The following SPATS2 variants were observed in gnomAD, a reference collection of about 807,000 sequenced individuals.
The protein encoded by SPATS2 is spermatogenesis associated serine rich 2.
A neutral mutation model predicts 63.7 loss-of-function variants in SPATS2; 38 were observed. That is an observed-to-expected ratio of 0.60 (90% CI 0.46 to 0.78). The LOEUF (loss-of-function observed/expected upper bound fraction) is 0.78. Among genes scored for constraint, SPATS2 ranks in the 30% least tolerant of loss-of-function variants. The pLI is 0.00. For synonymous variants in SPATS2, 207 were observed against 232.9 expected (o/e 0.89, Z 1.01); for missense variants, 588 against 666.2 (o/e 0.88, Z 1.29).
At chr12:49,497,283 C>T in intron 8 of SPATS2, among the ~76,000 whole-genome samples, 1 of 152,152 alleles carries the variant, frequency 6.6e-6, no homozygotes. Flanking sequence ...TACCTGCTAA[C>T]ATTAACCTGT....
At position 49,488,106 on chromosome 12, in the gene SPATS2, G is replaced by A. The variant is rs193146829; in HGVS notation, c.106-1359G>A. Among the ~76,000 whole-genome samples the A allele has an allele frequency of 4.8e-4, 73 of 151,576 alleles. No homozygotes were observed. In the South Asian group the frequency reaches 0.012, roughly 26 times the overall value. On this transcript the variant is annotated intron_variant, in intron 4 of 13. Transcript: ENST00000552918. The stretch of plus-strand genomic sequence containing the variant: ...GCTGCCCAGGCTGCCATGCAATGGC[G>A]CGATCTCGACTCACTGCAACCTCCA...
At chr12:49,426,765 G>T (rs567604955) in intron 2 of SPATS2, among the ~76,000 whole-genome samples, 1 of 152,074 alleles carries the variant, frequency 6.6e-6, no homozygotes, top group African/African-American at 2.4e-5. Context: ...GGATGGTCTC[G>T]ATCTCCTGAC....
At chr12:49,429,288 A>C (rs1447486991) in intron 2 of SPATS2, among the ~76,000 whole-genome samples, 1 of 152,188 alleles carries the variant, frequency 6.6e-6, no homozygotes, top group Non-Finnish European at 1.5e-5. Context: ...TTGGTTTTTC[A>C]AAATGAAAAC....
At chr12:49,473,584 G>A (rs540762428) in intron 3 of SPATS2, among the ~76,000 whole-genome samples, 23 of 152,176 alleles carry the variant, frequency 1.5e-4, no homozygotes, top group Admixed American at 2.0e-4. Context: ...TAGGTACACC[G>A]TAACACTTGT....
At chr12:49,382,545 C>G (rs1337116156) in intron 2 of SPATS2, among the ~76,000 whole-genome samples, 2 of 151,866 alleles carry the variant, frequency 1.3e-5, no homozygotes, top group African/African-American at 4.8e-5. Flanking sequence ...AGCAAAAGGT[C>G]CCCTTTACTT....
At chr12:49,462,579 C>T (rs1945841181) in intron 3 of SPATS2, 1 of 620,548 alleles carries the variant, frequency 1.6e-6, no homozygotes, top group African/African-American at 1.8e-5. Context: ...CTCGTGGCTC[C>T]TGAGCTCTTG....
chr12:49,426,998 G>A (rs530014811), intron 2 of SPATS2, among the ~76,000 whole-genome samples: 1 of 152,170 alleles, frequency 6.6e-6, no homozygotes, highest in African/African-American at 2.4e-5. Flanking sequence ...ATTTGTGTTG[G>A]GTATTACTTA....
chr12:49,480,390 A>T (rs1946185702), intron 3 of SPATS2, among the ~76,000 whole-genome samples: 1 of 152,150 alleles, frequency 6.6e-6, no homozygotes, highest in Non-Finnish European at 1.5e-5. Flanking sequence ...CTCCATAATA[A>T]TGTTATTGTG....
intron 9 of SPATS2, among the ~76,000 whole-genome samples, chr12:49,504,120 A>G (rs1946615507): frequency 6.6e-6 from 1 of 152,214 alleles, no homozygotes; most frequent in South Asian, 2.1e-4. Flanking sequence ...AGTTAATGTC[A>G]CTTAGAAAGA....
chr12:49,377,739 A>G (rs945476790), intron 2 of SPATS2, among the ~76,000 whole-genome samples: 3 of 152,142 alleles, frequency 2.0e-5, no homozygotes, highest in Non-Finnish European at 4.4e-5. Flanking sequence ...AGTTATTTCT[A>G]TGTATAATAT....
intron 10 of SPATS2, among the ~76,000 whole-genome samples, chr12:49,517,311 T>A (rs906942915): frequency 1.1e-4 from 16 of 152,210 alleles, no homozygotes; most frequent in African/African-American, 3.4e-4. Context: ...GTGACTTGGG[T>A]CTAGGCAGCC....
intron 6 of SPATS2, among the ~76,000 whole-genome samples, chr12:49,493,656 G>T (rs1946420643): frequency 6.6e-6 from 1 of 151,988 alleles, no homozygotes; most frequent in Non-Finnish European, 1.5e-5. Context: ...ACCTACCTTG[G>T]CCTCCCAAAG....
intron 2 of SPATS2, among the ~76,000 whole-genome samples, chr12:49,397,833 TAAAAAAAAAA>T (rs989085737): frequency 2.4e-5 from 2 of 82,336 alleles, no homozygotes; most frequent in East Asian, 3.2e-4. Flanking sequence ...CTTAGCTCTT[TAAAAAAAAAA>T]AAAAAAAAAA....
chr12:49,405,784 C>T (rs548550636), intron 2 of SPATS2, among the ~76,000 whole-genome samples: 73 of 152,224 alleles, frequency 4.8e-4, no homozygotes, highest in African/African-American at 1.7e-3. Context: ...TAGTACAGGG[C>T]GAGTCCAAAT....
At chr12:49,437,287 C>G (rs1592395231) in intron 2 of SPATS2, among the ~76,000 whole-genome samples, 1 of 151,012 alleles carries the variant, frequency 6.6e-6, no homozygotes, top group Non-Finnish European at 1.5e-5. Context: ...CTGGCAGAGA[C>G]GCTCCTCACT....
intron 2 of SPATS2, among the ~76,000 whole-genome samples, chr12:49,436,404 C>T (rs1367918501): frequency 1.4e-5 from 2 of 144,146 alleles, no homozygotes; most frequent in Non-Finnish European, 3.0e-5. Flanking sequence ...GGGGGCTGAC[C>T]CCCCCACCTC....
intron 4 of SPATS2, among the ~76,000 whole-genome samples, chr12:49,487,271 G>C (rs1946310850): frequency 6.6e-6 from 1 of 152,106 alleles, no homozygotes; most frequent in South Asian, 2.1e-4. Context: ...CAGATCACTT[G>C]AGTGAGGTCA....
intron 2 of SPATS2, among the ~76,000 whole-genome samples, chr12:49,453,160 CAAAAA>C (rs534605136): frequency 1.1e-5 from 1 of 91,800 alleles, no homozygotes; most frequent in Non-Finnish European, 2.4e-5. Context: ...GACTCCGTCT[CAAAAA>C]AAAAAAAAAA....
chr12:49,497,050 G>A, intron 8 of SPATS2, 41 bp downstream of exon 8: 1 of 1,502,566 alleles, frequency 6.7e-7, no homozygotes, highest in Non-Finnish European at 8.9e-7. Flanking sequence ...TGAAAAATCT[G>A]TGTTTTTGGC....
Sources: gnomAD v4.1 joint callset for allele counts (sites outside exome capture counted in the v4.1 genomes callset) on GRCh38, gnomAD v4.1.1 for gene constraint, MANE v1.5 for transcripts, NCBI Gene and HGNC (gene_info 2026-07-23, HGNC 2026-07-21) for gene names.